Variants in RALYL observed in about 807,000 individuals in gnomAD.
The protein encoded by RALYL is RNA-binding Raly-like protein.
RALYL carries 29 observed loss-of-function variants against 35.1 expected under a neutral mutation model. That is an observed-to-expected ratio of 0.83 (90% confidence interval 0.61 to 1.13). The LOEUF (loss-of-function observed/expected upper bound fraction) is 1.13. Ranked by LOEUF, RALYL falls within the 50% of genes most tolerant of loss-of-function variation. The pLI is 0.00. For synonymous variants in RALYL, 120 were observed against 127.6 expected (o/e 0.94, Z 0.40); for missense variants, 359 against 360.4 (o/e 1.00, Z 0.03).
At chr8:84,519,116 CT>C (rs1163380719) in intron 1 of RALYL, among the ~76,000 whole-genome samples, 1 of 152,100 alleles carries the variant, frequency 6.6e-6, no homozygotes, top group African/African-American at 2.4e-5. Flanking sequence ...ATGCTTTTGC[CT>C]TGACTCTCCA....
intron 1 of RALYL, among the ~76,000 whole-genome samples, chr8:84,394,496 T>C (rs1308275225): frequency 6.6e-6 from 1 of 152,030 alleles, no homozygotes; most frequent in African/African-American, 2.4e-5. Context: ...TCATGGTTCT[T>C]TTTATGTACT....
chr8:84,758,830 A>C (rs1812033693), intron 2 of RALYL, among the ~76,000 whole-genome samples: 1 of 152,228 alleles, frequency 6.6e-6, no homozygotes, highest in Non-Finnish European at 1.5e-5. Flanking sequence ...TTCTTGAAGG[A>C]AGGCTATTGT....
intron 4 of RALYL, among the ~76,000 whole-genome samples, chr8:84,834,210 A>G (rs1308704533): frequency 6.6e-6 from 1 of 152,250 alleles, no homozygotes; most frequent in Admixed American, 6.5e-5. Flanking sequence ...AACATGCAAA[A>G]TACAACACAG....
intron 6 of RALYL, among the ~76,000 whole-genome samples, chr8:84,868,216 A>G (rs576363154): frequency 1.1e-4 from 16 of 152,158 alleles, no homozygotes; most frequent in Non-Finnish European, 1.9e-4. Flanking sequence ...CACTTAAAAA[A>G]TTTTTTTAGA....
intron 2 of RALYL, among the ~76,000 whole-genome samples, chr8:84,537,168 A>T (rs1468717850): frequency 1.3e-5 from 2 of 149,312 alleles, no homozygotes; most frequent in Non-Finnish European, 3.0e-5. Context: ...TTAAAAAAAA[A>T]AAAAAAAACT....
chr8:84,678,890 C>T (rs1207698041), intron 2 of RALYL: 1 of 195,550 alleles, frequency 5.1e-6, no homozygotes, highest in Admixed American at 5.5e-5. Flanking sequence ...AGGATACTGC[C>T]TTGCTGAAAA....
At chr8:84,459,594 C>T (rs1183488323) in intron 1 of RALYL, among the ~76,000 whole-genome samples, 1 of 151,712 alleles carries the variant, frequency 6.6e-6, no homozygotes, top group Non-Finnish European at 1.5e-5. Flanking sequence ...GGAATGGAGG[C>T]ATGGGTGGTA....
intron 1 of RALYL, among the ~76,000 whole-genome samples, chr8:84,498,699 C>T (rs972986836): frequency 1.3e-5 from 2 of 152,074 alleles, no homozygotes; most frequent in Non-Finnish European, 2.9e-5. Context: ...ACTGCCCTTT[C>T]CTAATACACT....
chr8:84,745,255 T>C (rs1034820992), intron 2 of RALYL, among the ~76,000 whole-genome samples: 4 of 151,974 alleles, frequency 2.6e-5, no homozygotes, highest in African/African-American at 9.7e-5. Context: ...AAATATCAAG[T>C]CTTCTTCAAG....
intron 1 of RALYL, among the ~76,000 whole-genome samples, chr8:84,417,931 T>C (rs572246119): frequency 6.6e-6 from 1 of 152,290 alleles, no homozygotes; most frequent in African/African-American, 2.4e-5. Flanking sequence ...ATTTGGTTCT[T>C]CTTTCTTTTT....
At position 84,877,460 on chromosome 8, in the gene RALYL, C is replaced by T. The variant is rs189647580; in HGVS notation, c.685+4063C>T. 7.0e-4 allele frequency among the ~76,000 whole-genome samples: 106 copies of T among 152,056 alleles called. 1 individual carries two copies. The East Asian group carries it at 0.02, about 29-fold the overall frequency. On this transcript the variant is annotated intron_variant, in intron 7 of 8. Coordinates refer to ENST00000521268, the MANE Select transcript of RALYL (RefSeq NM_173848.7). ...TGAGATCACGCCACTGCACTTCAACCTGGGCGACAGCGAGATTCCATCTCA... is the reference window on the plus strand; with the variant it reads ...TGAGATCACGCCACTGCACTTCAACTTGGGCGACAGCGAGATTCCATCTCA...
chr8:84,841,284 A>G (rs1397905743), intron 4 of RALYL, among the ~76,000 whole-genome samples: 3 of 152,192 alleles, frequency 2.0e-5, no homozygotes, highest in African/African-American at 7.2e-5. Context: ...TCTACCAAGC[A>G]AATGGAAAAC....
At chr8:84,226,325 G>C (rs889616907) in intron 1 of RALYL, among the ~76,000 whole-genome samples, 12 of 152,112 alleles carry the variant, frequency 7.9e-5, no homozygotes, top group African/African-American at 2.9e-4. Flanking sequence ...TCACAAAATT[G>C]GTCCCTGGTG....
At chr8:84,476,625 C>T (rs2133809049) in intron 1 of RALYL, among the ~76,000 whole-genome samples, 1 of 152,222 alleles carries the variant, frequency 6.6e-6, no homozygotes. Flanking sequence ...CCATACATAT[C>T]AATATTAGTA....
At chr8:84,667,229 T>G (rs1266662801) in intron 2 of RALYL, among the ~76,000 whole-genome samples, 1 of 152,008 alleles carries the variant, frequency 6.6e-6, no homozygotes, top group Non-Finnish European at 1.5e-5. Context: ...TAGCTAAATC[T>G]AGAGACTTGT....
intron 2 of RALYL, among the ~76,000 whole-genome samples, chr8:84,772,527 A>G (rs1389614885): frequency 1.3e-5 from 2 of 152,030 alleles, no homozygotes; most frequent in Non-Finnish European, 2.9e-5. Context: ...ACAGTTTTAT[A>G]ATTTTTTTCA....
intron 2 of RALYL, among the ~76,000 whole-genome samples, chr8:84,607,963 A>T (rs1169734519): frequency 6.6e-6 from 1 of 151,842 alleles, no homozygotes; most frequent in South Asian, 2.1e-4. Flanking sequence ...TAAGTACTCA[A>T]TCGAGTTGCT....
At chr8:84,730,812 C>T (rs1054185652) in intron 2 of RALYL, among the ~76,000 whole-genome samples, 1 of 151,922 alleles carries the variant, frequency 6.6e-6, no homozygotes, top group Non-Finnish European at 1.5e-5. Flanking sequence ...GCAATGACAC[C>T]GTTCATCATG....
intron 2 of RALYL, among the ~76,000 whole-genome samples, chr8:84,746,802 A>G (rs1230753343): frequency 6.6e-6 from 1 of 151,544 alleles, no homozygotes; most frequent in African/African-American, 2.4e-5. Flanking sequence ...AATTAATACA[A>G]TTTACTTAAT....
Sources: allele counts gnomAD v4.1 joint callset (sites outside exome capture counted in the v4.1 genomes callset), GRCh38; gene constraint gnomAD v4.1.1; transcripts MANE v1.5; gene names NCBI Gene and HGNC (gene_info 2026-07-23, HGNC 2026-07-21).